Variants in GNA13 observed in about 807,000 individuals in gnomAD.
The protein encoded by GNA13 is guanine nucleotide-binding protein subunit alpha-13.
In GNA13, 4 loss-of-function variants were observed where a neutral mutation model predicts 33.5. That is an observed-to-expected ratio of 0.12 (90% confidence interval 0.06 to 0.27). The LOEUF (loss-of-function observed/expected upper bound fraction) is 0.27. GNA13 is among the 10% of genes least tolerant of loss of function. GNA13 has a pLI of 1.00. For synonymous variants in GNA13, 176 were observed against 183.8 expected (o/e 0.96, Z 0.34); for missense variants, 319 against 487.2 (o/e 0.65, Z 3.25).
intron 3 of GNA13, among the ~76,000 whole-genome samples, chr17:65,017,534 C>T (rs1003997288): frequency 6.6e-6 from 1 of 152,230 alleles, no homozygotes; most frequent in African/African-American, 2.4e-5. Flanking sequence ...CTGAACTCTT[C>T]TGTGTACGCC....
At chr17:65,051,160 T>C (rs1327602981) in intron 2 of GNA13, among the ~76,000 whole-genome samples, 1 of 152,212 alleles carries the variant, frequency 6.6e-6, no homozygotes, top group African/African-American at 2.4e-5. Flanking sequence ...TATGCAGTTC[T>C]TTATTTATTC....
intron 2 of GNA13, among the ~76,000 whole-genome samples, chr17:65,038,807 A>G (rs1907356002): frequency 6.6e-6 from 1 of 152,214 alleles, no homozygotes; most frequent in African/African-American, 2.4e-5. Flanking sequence ...GAACACTTAC[A>G]TCAGTTGATA....
At chr17:65,029,274 T>A (rs1271989083) in intron 2 of GNA13, among the ~76,000 whole-genome samples, 1 of 152,196 alleles carries the variant, frequency 6.6e-6, no homozygotes, top group Non-Finnish European at 1.5e-5. Flanking sequence ...TCCATGCTCA[T>A]CTCCCCATGC....
In GNA13 at chr17:65,056,703, G is replaced by T; in HGVS notation, c.-110C>A. 1.8e-6 allele frequency: 1 copy of T among 551,974 alleles called. No individual in the cohort carries two copies. The highest frequency in any genetic ancestry group is 2.5e-6 in the Non-Finnish European group (1 of 405,030). The allele number at this position is 551,974 out of a possible 1,614,324, so 34.2% of individuals were successfully genotyped here. A position where few individuals can be genotyped will look rare whatever the true frequency, so the allele number is the denominator to read the frequency against. On this transcript the variant is annotated 5_prime_UTR_variant, in exon 1 of 4. Coordinates refer to ENST00000439174, the MANE Select transcript of GNA13 (RefSeq NM_006572.6). ...CTCGAGGGCGGGGAGCGCGGCGGCG[G>T]CCCGAGCGCGCCCAGGGAGGGAGGG... is the stretch of plus-strand genomic sequence containing the variant.
At chr17:65,038,109 A>G (rs1005705541) in intron 2 of GNA13, among the ~76,000 whole-genome samples, 16 of 152,310 alleles carry the variant, frequency 1.1e-4, no homozygotes, top group African/African-American at 3.8e-4. Context: ...TCGTTAAGTC[A>G]AAAACACATT....
At chr17:65,036,884 T>C (rs1304244569) in intron 2 of GNA13, among the ~76,000 whole-genome samples, 1 of 152,182 alleles carries the variant, frequency 6.6e-6, no homozygotes, top group Non-Finnish European at 1.5e-5. Context: ...CAGCTGCTAG[T>C]GCAGTAAATG....
At chr17:65,053,094 G>T (rs1907913435) in intron 2 of GNA13, 1 of 161,746 alleles carries the variant, frequency 6.2e-6, no homozygotes, top group African/African-American at 2.4e-5. Context: ...TTAAATTATG[G>T]AAGTCAGTGA....
At chr17:65,049,175 T>C (rs941049149) in intron 2 of GNA13, among the ~76,000 whole-genome samples, 1 of 152,158 alleles carries the variant, frequency 6.6e-6, no homozygotes, top group African/African-American at 2.4e-5. Flanking sequence ...AGTGGCATGA[T>C]CTCCACTCAC....
chr17:65,017,141 T>C (rs1334470236), intron 3 of GNA13, among the ~76,000 whole-genome samples: 1 of 152,230 alleles, frequency 6.6e-6, no homozygotes, highest in Non-Finnish European at 1.5e-5. Context: ...AACACCCGAC[T>C]GCTTTCTAGA....
intron 2 of GNA13, among the ~76,000 whole-genome samples, chr17:65,027,977 G>A (rs996425075): frequency 1.9e-4 from 29 of 152,116 alleles, no homozygotes; most frequent in Non-Finnish European, 4.0e-4. Flanking sequence ...GGTGGCTCAC[G>A]CCTGTAATCC....
chr17:65,037,784 A>AAAAAAAAAAAAAAAAAAAAAAG, intron 2 of GNA13, among the ~76,000 whole-genome samples: 1 of 148,546 alleles, frequency 6.7e-6, no homozygotes, highest in Non-Finnish European at 1.5e-5. Flanking sequence ...AATGGAAAAA[A>AAAAAAAAAAAAAAAAAAAAAAG]AAAAAAAAAA....
intron 2 of GNA13, among the ~76,000 whole-genome samples, chr17:65,022,119 G>C (rs1038731740): frequency 6.6e-6 from 1 of 151,948 alleles, no homozygotes; most frequent in African/African-American, 2.4e-5. Flanking sequence ...AAATGGTTGG[G>C]GAAAAAACTT....
chr17:65,013,799 G>T lies in GNA13; in HGVS notation c.*458C>A, dbSNP rs1021369419. 6.5e-5 allele frequency: 14 copies of T among 216,892 alleles called. No homozygotes were observed. Among genetic ancestry groups the T allele is most frequent in the Admixed American group, 1.7e-4 (3 of 17,692 alleles). The allele number at this position is 216,892 out of a possible 1,614,324, so 13.4% of individuals were successfully genotyped here. A position where few individuals can be genotyped will look rare whatever the true frequency, so the allele number is the denominator to read the frequency against. ...ACTTCTAACAGCCCTTACAAAATAG[G>T]AGGTCACCATAAAGTTAGGCAACAA... On this transcript the variant is annotated 3_prime_UTR_variant, in exon 4 of 4. Coordinates refer to ENST00000439174, the MANE Select transcript of GNA13 (RefSeq NM_006572.6).
intron 2 of GNA13, among the ~76,000 whole-genome samples, chr17:65,040,893 G>A (rs1907427891): frequency 6.6e-6 from 1 of 152,186 alleles, no homozygotes; most frequent in Admixed American, 6.5e-5. Flanking sequence ...TGTAGCAGTT[G>A]GCCAGGCAAT....
intron 3 of GNA13, 134 bp downstream of exon 3, chr17:65,018,119 A>G (rs1179072071): frequency 3.2e-4 from 62 of 195,480 alleles, no homozygotes; most frequent in African/African-American, 1.4e-3. Context: ...AAAAAAAAAA[A>G]AAAAAAAAAA....
intron 2 of GNA13, among the ~76,000 whole-genome samples, chr17:65,050,331 C>T (rs762064874): frequency 5.3e-5 from 8 of 152,316 alleles, no homozygotes; most frequent in Non-Finnish European, 8.8e-5. Flanking sequence ...AAGCCAAGTG[C>T]CTTCTCAGTG....
chr17:65,041,156 G>T (rs1208313275), intron 2 of GNA13, among the ~76,000 whole-genome samples: 1 of 152,128 alleles, frequency 6.6e-6, no homozygotes, highest in East Asian at 1.9e-4. Flanking sequence ...TGTTGAAAAG[G>T]AAAGTGAAAG....
chr17:65,015,019 C>G (rs1906313429), intron 3 of GNA13, among the ~76,000 whole-genome samples, 190 bp from the exon 4 acceptor site: 1 of 152,178 alleles, frequency 6.6e-6, no homozygotes, highest in South Asian at 2.1e-4. Context: ...ATAATCCCAG[C>G]ACTTTGGGAG....
Position 65,012,121 on chromosome 17 carries a change from A to G in GNA13, c.*2136T>C, listed in dbSNP as rs1906209518. On this transcript the variant is annotated 3_prime_UTR_variant, in exon 4 of 4. Transcript: ENST00000439174. Reference sequence around the variant, plus strand: ...AACATGATATCTATTTGGTGTTTCAACACTTCTTGGTGGTAATTCAAAAGG... The same window carrying G: ...AACATGATATCTATTTGGTGTTTCAGCACTTCTTGGTGGTAATTCAAAAGG... 1 of 225,882 alleles carries G rather than the reference A, an allele frequency of 4.4e-6. No individual in the cohort carries two copies. Among genetic ancestry groups the G allele is most frequent in the Admixed American group, 5.7e-5 (1 of 17,558 alleles). 14.0% of individuals were successfully genotyped at this position (225,882 alleles called of 1,614,324 possible).
Sources: gnomAD v4.1 joint callset for allele counts (sites outside exome capture counted in the v4.1 genomes callset) on GRCh38, gnomAD v4.1.1 for gene constraint, MANE v1.5 for transcripts, NCBI Gene and HGNC (gene_info 2026-07-23, HGNC 2026-07-21) for gene names.